Variants in GNB5 observed in about 807,000 individuals in gnomAD.
GNB5 encodes the protein G protein subunit beta 5.
In GNB5, 37 loss-of-function variants were observed where a neutral mutation model predicts 55.3. The ratio of observed to expected loss-of-function variants is 0.67; its 90% CI spans 0.51 to 0.88. The LOEUF (loss-of-function observed/expected upper bound fraction) is 0.88, where lower values mean the gene tolerates loss of function less well. GNB5 is among the 40% of genes least tolerant of loss of function. The probability of loss-of-function intolerance (pLI) is 0.00; values close to 1 mark genes in which losing one functional copy is unlikely to be tolerated. For missense variants in GNB5, 476 were observed against 515.3 expected (o/e 0.92, Z 0.74); for synonymous variants, 219 against 198.5 (o/e 1.10, Z -0.87).
intron 3 of GNB5, among the ~76,000 whole-genome samples, chr15:52,178,201 G>C (rs561968852): frequency 6.6e-6 from 1 of 152,260 alleles, no homozygotes; most frequent in East Asian, 1.9e-4. Flanking sequence ...GGGGGAATCC[G>C]GGTCCCAACA....
At position 52,154,040 on chromosome 15, in the gene GNB5, T is replaced by C; in HGVS notation, c.275A>G (p.Gln92Arg). Residue 92 changes from glutamine to arginine, a missense_variant, in exon 4 of 13, where the codon CAG (glutamine) becomes CGG (arginine). Transcript: ENST00000261837. Reference protein sequence around the residue: ...QVAERVEALGQFVMKTRRTLK... With the variant: ...QVAERVEALGRFVMKTRRTLK... ...GGTCCTTCTGGTCTTCATGACAAACTGCCCCAGGGCCTCCACCCGCTCCGC... is the reference window on the plus strand; with the variant it reads ...GGTCCTTCTGGTCTTCATGACAAACCGCCCCAGGGCCTCCACCCGCTCCGC... 1 of 1,614,174 alleles carries C rather than the reference T, an allele frequency of 6.2e-7. No individual in the cohort carries two copies. The highest frequency in any genetic ancestry group is 8.5e-7 in the Non-Finnish European group (1 of 1,179,974).
intron 1 of GNB5, among the ~76,000 whole-genome samples, chr15:52,187,377 G>A (rs992720261): frequency 2.6e-5 from 4 of 151,912 alleles, no homozygotes; most frequent in Admixed American, 1.3e-4. Context: ...AGAGAGAGAA[G>A]GGACGGCAGG....
At chr15:52,169,251 C>T (rs1287001063) in intron 3 of GNB5, among the ~76,000 whole-genome samples, 1 of 151,418 alleles carries the variant, frequency 6.6e-6, no homozygotes, top group Non-Finnish European at 1.5e-5. Flanking sequence ...ACCTAGGAGG[C>T]GGAGGCTGCA....
intron 3 of GNB5, among the ~76,000 whole-genome samples, chr15:52,159,370 C>G (rs1471610060): frequency 1.3e-5 from 2 of 152,142 alleles, no homozygotes; most frequent in African/African-American, 4.8e-5. Context: ...TGGCAGCCCC[C>G]TCTCCAGCGG....
chr15:52,119,690 G>A lies in GNB5; in HGVS notation c.*3067C>T, dbSNP rs1479338849. ...CCCATGTTACAAATGGGGAAACTGA[G>A]GCTGAGAAAAACTCAGATATTATCA... On this transcript the variant is annotated 3_prime_UTR_variant, in exon 13 of 13. Coordinates refer to ENST00000261837, the MANE Select transcript of GNB5 (RefSeq NM_016194.4). 2.0e-5 allele frequency: 3 copies of A among 152,118 alleles called. No homozygotes were observed. The highest frequency in any genetic ancestry group is 2.1e-4 in the South Asian group (1 of 4,826). The allele number at this position is 152,118 out of a possible 1,614,324, so 9.4% of individuals were successfully genotyped here. A position where few individuals can be genotyped will look rare whatever the true frequency, so the allele number is the denominator to read the frequency against.
At chr15:52,155,141 A>G (rs2034180368) in intron 3 of GNB5, among the ~76,000 whole-genome samples, 1 of 152,204 alleles carries the variant, frequency 6.6e-6, no homozygotes, top group Non-Finnish European at 1.5e-5. Flanking sequence ...TGAACTGTCC[A>G]TCTACATCTC....
At chr15:52,125,656 A>G in intron 11 of GNB5, 1 of 245,064 alleles carries the variant, frequency 4.1e-6, no homozygotes, top group Non-Finnish European at 7.8e-6. Context: ...AAGGCTGGGG[A>G]GAAAATGCCT....
chr15:52,179,969 C>T, intron 2 of GNB5, 90 bp from the exon 3 acceptor site: 1 of 1,362,194 alleles, frequency 7.3e-7, no homozygotes, highest in Non-Finnish European at 9.4e-7. Context: ...TCCCCGGCCC[C>T]GAGCACCGCC....
chr15:52,150,618 C>T (rs1596078416), intron 4 of GNB5, among the ~76,000 whole-genome samples: 1 of 152,232 alleles, frequency 6.6e-6, no homozygotes. Context: ...AAGCAAACAG[C>T]ACTCCCTGCC....
rs201831470 is a variant in GNB5 at position 52,179,957 on chromosome 15, C to G, written c.127-78G>C. 130 of 1,416,932 alleles carry G rather than the reference C, an allele frequency of 9.2e-5. No homozygotes were observed. The East Asian group carries it at 2.3e-3, about 25-fold the overall frequency. The allele number at this position is 1,416,932 out of a possible 1,614,324, so 87.8% of individuals were successfully genotyped here. A position where few individuals can be genotyped will look rare whatever the true frequency, so the allele number is the denominator to read the frequency against. ...CCGCGGCGGGCGCCGCTCCAGCAGC[C>G]GTCCCCGGCCCCGAGCACCGCCCCG... On this transcript the variant is annotated intron_variant, in intron 2 of 12. Coordinates refer to ENST00000261837, the MANE Select transcript of GNB5 (RefSeq NM_016194.4).
At chr15:52,152,978 C>T (rs1566941748) in intron 4 of GNB5, among the ~76,000 whole-genome samples, 1 of 152,212 alleles carries the variant, frequency 6.6e-6, no homozygotes, top group African/African-American at 2.4e-5. Context: ...ATACATGTTA[C>T]ATAAAAATAG....
intron 6 of GNB5, among the ~76,000 whole-genome samples, chr15:52,146,255 G>A (rs575529236): frequency 1.5e-4 from 23 of 152,122 alleles, no homozygotes; most frequent in African/African-American, 4.3e-4. Context: ...CCACTTGCCC[G>A]GCCTAATATG....
At chr15:52,171,424 A>C (rs1163286946) in intron 3 of GNB5, among the ~76,000 whole-genome samples, 1 of 152,204 alleles carries the variant, frequency 6.6e-6, no homozygotes, top group East Asian at 1.9e-4. Context: ...TGAGATTATG[A>C]ATGACTTGTT....
At position 52,133,390 on chromosome 15, in the gene GNB5, A is replaced by G. The variant is rs370799351; in HGVS notation, c.851T>C (p.Ile284Thr). Residue 284 changes from isoleucine (I) to threonine (T), a missense_variant, in exon 9 of 13, where the codon ATC becomes ACC. By Grantham distance (89) the Ile-to-Thr change is moderately conservative. Coordinates refer to ENST00000261837, the MANE Select transcript of GNB5 (RefSeq NM_016194.4). The stretch of plus-strand genomic sequence containing the variant: ...TCTACTCACTGACCGGACACTGTTG[A>G]TGTCAGATTCATGTGTTTCAAAGGC... Reference protein sequence around the residue: ...VQAFETHESDINSVRYYPSGD... With the variant: ...VQAFETHESDTNSVRYYPSGD... 2 of 1,602,590 alleles carry G rather than the reference A, an allele frequency of 1.2e-6. No homozygotes were observed. Among genetic ancestry groups the G allele is most frequent in the Non-Finnish European group, 1.7e-6 (2 of 1,169,552 alleles).
At chr15:52,124,748 T>C in intron 11 of GNB5, 109 bp from the exon 12 acceptor site, 2 of 891,396 alleles carry the variant, frequency 2.2e-6, no homozygotes, top group Non-Finnish European at 3.6e-6. Context: ...GCGCACTGAG[T>C]CCTAGGCACT....
At chr15:52,139,906 T>G (rs2033812519) in intron 7 of GNB5, 5 of 1,286,808 alleles carry the variant, frequency 3.9e-6, no homozygotes, top group Non-Finnish European at 5.1e-6. Flanking sequence ...TGCCTGATGG[T>G]CGTGGTAGCC....
chr15:52,122,899 C>T, intron 12 of GNB5, 131 bp from the exon 13 acceptor site: 1 of 722,466 alleles, frequency 1.4e-6, no homozygotes, highest in Non-Finnish European at 2.5e-6. Context: ...TACACACACA[C>T]ACACACAAAC....
intron 2 of GNB5, among the ~76,000 whole-genome samples, chr15:52,183,736 A>T (rs1016593925): frequency 6.6e-6 from 1 of 151,950 alleles, no homozygotes; most frequent in African/African-American, 2.4e-5. Flanking sequence ...GGAGTGCTTT[A>T]CCACTTTTCA....
rs911404679 is a variant in GNB5 at position 52,116,207 on chromosome 15, A to C, written c.*6550T>G. The C allele has an allele frequency of 2.0e-5, 3 of 152,238 alleles. No individual in the cohort carries two copies. Among genetic ancestry groups the C allele is most frequent in the African/African-American group, 7.2e-5 (3 of 41,460 alleles). The allele number at this position is 152,238 out of a possible 1,614,324, so 9.4% of individuals were successfully genotyped here. ...TTACCGTGGAAAACACACAGGTTGG[A>C]AACAGTGACCTCTGCTTCATGGTTC... On this transcript the variant is annotated 3_prime_UTR_variant, in exon 13 of 13. Coordinates refer to ENST00000261837, the MANE Select transcript of GNB5 (RefSeq NM_016194.4).
Sources: gnomAD v4.1 joint callset for allele counts (sites outside exome capture counted in the v4.1 genomes callset) on GRCh38, gnomAD v4.1.1 for gene constraint, MANE v1.5 for transcripts, NCBI Gene and HGNC (gene_info 2026-07-23, HGNC 2026-07-21) for gene names.